Variants in NELL1 observed in about 807,000 individuals in gnomAD.
The protein encoded by NELL1 is neural EGFL like 1.
Under a neutral mutation model 107.4 loss-of-function variants are expected in NELL1, and 76 were observed. The observed-to-expected ratio is 0.71, with a 90% confidence interval of 0.59 to 0.86. The LOEUF is 0.86. NELL1 is among the 40% of genes least tolerant of loss of function. The probability of loss-of-function intolerance (pLI) is 0.00; values close to 1 mark genes in which losing one functional copy is unlikely to be tolerated. For synonymous variants in NELL1, 353 were observed against 341.2 expected, an observed-to-expected ratio of 1.03 and a Z score of -0.38; for missense variants, 1,024 against 1,005.5, an observed-to-expected ratio of 1.02 and a Z score of -0.25.
At chr11:21,451,161 T>C (rs1367432705) in intron 15 of NELL1, among the ~76,000 whole-genome samples, 1 of 126,096 alleles carries the variant, frequency 7.9e-6, no homozygotes, top group Non-Finnish European at 1.6e-5. Context: ...CACTCCAGCC[T>C]GGGCGACAGA....
chr11:21,348,010 C>G (rs1291690239), intron 14 of NELL1, among the ~76,000 whole-genome samples: 1 of 152,146 alleles, frequency 6.6e-6, no homozygotes, highest in Non-Finnish European at 1.5e-5. Flanking sequence ...GCTGAGCTAA[C>G]AAGGATATGA....
intron 10 of NELL1, among the ~76,000 whole-genome samples, chr11:20,938,535 G>A (rs1237609925): frequency 6.6e-6 from 1 of 152,032 alleles, no homozygotes; most frequent in Non-Finnish European, 1.5e-5. Context: ...TCTGAGTTGG[G>A]GATGGGTGGA....
At chr11:21,225,709 C>A (rs1373939723) in intron 13 of NELL1, among the ~76,000 whole-genome samples, 1 of 152,104 alleles carries the variant, frequency 6.6e-6, no homozygotes, top group East Asian at 1.9e-4. Context: ...AGTCTGCCCA[C>A]AAGTAATTGT....
In NELL1 at chr11:21,327,162, GTTT is replaced by G. The variant is rs369129791; in HGVS notation, c.1550-43677_1550-43675del. 2.9e-3 allele frequency among the ~76,000 whole-genome samples: 285 copies of G among 96,948 alleles called. 16 individuals are homozygous for G. The highest frequency in any genetic ancestry group is 9.5e-3 in the African/African-American group (247 of 25,930). 63.6% of individuals were successfully genotyped at this position (96,948 alleles called of 152,430 possible). On this transcript the variant is annotated intron_variant, in intron 14 of 19. Transcript: ENST00000357134. ...ACAGTGAGTTCTCATGAGATCTGAT[GTTT>G]TTTTTTTTTTTTTGTGGGGGGGACT... is the stretch of plus-strand genomic sequence containing the variant.
At chr11:21,393,034 T>G (rs893674219) in intron 15 of NELL1, among the ~76,000 whole-genome samples, 2 of 151,688 alleles carry the variant, frequency 1.3e-5, no homozygotes, top group African/African-American at 4.8e-5. Context: ...ACATGAAATT[T>G]TATGTGAAAT....
intron 13 of NELL1, among the ~76,000 whole-genome samples, chr11:21,142,243 C>A (rs1379286192): frequency 6.6e-6 from 1 of 152,202 alleles, no homozygotes; most frequent in Non-Finnish European, 1.5e-5. Flanking sequence ...CTGCTCCTCT[C>A]AAGAAACATG....
At chr11:21,381,118 C>G (rs1442780070) in intron 15 of NELL1, among the ~76,000 whole-genome samples, 1 of 151,970 alleles carries the variant, frequency 6.6e-6, no homozygotes, top group Non-Finnish European at 1.5e-5. Context: ...TTATAATCTG[C>G]TACCTCGTGA....
intron 13 of NELL1, among the ~76,000 whole-genome samples, chr11:21,227,205 T>G (rs1857917066): frequency 6.6e-6 from 1 of 152,210 alleles, no homozygotes; most frequent in Admixed American, 6.5e-5. Context: ...ATTTCTTCCC[T>G]CCAATGAACT....
Position 21,386,778 on chromosome 11 carries a change from G to A in NELL1, c.1645+15830G>A, listed in dbSNP as rs554226563. Reference sequence around the variant, plus strand: ...CATAAATTCTATGCCTTCGCCTTTTGGAGATGTTTACATTTATTTTTGTAC... The same window carrying A: ...CATAAATTCTATGCCTTCGCCTTTTAGAGATGTTTACATTTATTTTTGTAC... On this transcript the variant is annotated intron_variant, in intron 15 of 19. Transcript: ENST00000357134. 5.3e-5 allele frequency among the ~76,000 whole-genome samples: 8 copies of A among 151,936 alleles called. No homozygotes were observed. The East Asian group carries it at 1.4e-3, about 26-fold the overall frequency.
chr11:20,960,254 G>A (rs1268602523), intron 11 of NELL1, among the ~76,000 whole-genome samples, 178 bp from the exon 12 acceptor site: 1 of 152,062 alleles, frequency 6.6e-6, no homozygotes, highest in Non-Finnish European at 1.5e-5. Context: ...CTTACGCCTT[G>A]GACAGCCCAA....
chr11:21,437,921 C>T (rs1348570496), intron 15 of NELL1, among the ~76,000 whole-genome samples: 1 of 152,102 alleles, frequency 6.6e-6, no homozygotes, highest in African/African-American at 2.4e-5. Flanking sequence ...TGAAAAGTTA[C>T]TTCTGTCCTT....
intron 13 of NELL1, among the ~76,000 whole-genome samples, chr11:21,149,908 C>G (rs1416628510): frequency 6.6e-6 from 1 of 151,944 alleles, no homozygotes; most frequent in African/African-American, 2.4e-5. Context: ...ATGACGGAAA[C>G]AAAACAGAGT....
intron 15 of NELL1, among the ~76,000 whole-genome samples, chr11:21,494,872 A>T (rs1197269040): frequency 2.0e-5 from 3 of 152,042 alleles, no homozygotes; most frequent in Non-Finnish European, 4.4e-5. Context: ...CTCCCATCAT[A>T]CATCAATATT....
chr11:21,071,127 C>T (rs538837045), intron 12 of NELL1, among the ~76,000 whole-genome samples: 2 of 152,168 alleles, frequency 1.3e-5, no homozygotes, highest in East Asian at 1.9e-4. Flanking sequence ...AAATCCTGCC[C>T]CATTCGCTGT....
At chr11:21,144,738 A>G (rs1173421688) in intron 13 of NELL1, among the ~76,000 whole-genome samples, 2 of 152,236 alleles carry the variant, frequency 1.3e-5, no homozygotes, top group Admixed American at 6.5e-5. Flanking sequence ...AATAACAGGC[A>G]TGAATAGAAT....
intron 12 of NELL1, among the ~76,000 whole-genome samples, chr11:21,038,540 G>GCTTATTTT (rs879740886): frequency 1.3e-5 from 2 of 152,106 alleles, no homozygotes; most frequent in African/African-American, 2.4e-5. Flanking sequence ...AGCACTGCTG[G>GCTTATTTT]CTTATTTTCT....
chr11:21,000,324 C>A (rs922671010), intron 12 of NELL1, among the ~76,000 whole-genome samples: 1 of 151,956 alleles, frequency 6.6e-6, no homozygotes, highest in African/African-American at 2.4e-5. Flanking sequence ...GATTCAAGAT[C>A]ATTATAAAGT....
chr11:21,565,509 T>C (rs2134007320), intron 17 of NELL1, among the ~76,000 whole-genome samples: 1 of 151,910 alleles, frequency 6.6e-6, no homozygotes, highest in African/African-American at 2.4e-5. Context: ...AGATCTGGGG[T>C]GGGGTGCAAG....
At chr11:20,804,433 G>A (rs141064833) in intron 3 of NELL1, among the ~76,000 whole-genome samples, 4,154 of 152,062 alleles carry the variant, frequency 0.027, 189 homozygotes, top group African/African-American at 0.094. Flanking sequence ...ATGGGGTTTC[G>A]CCATGTTGGC....
Sources: allele counts gnomAD v4.1 joint callset (sites outside exome capture counted in the v4.1 genomes callset), GRCh38; gene constraint gnomAD v4.1.1; transcripts MANE v1.5; gene names NCBI Gene and HGNC (gene_info 2026-07-23, HGNC 2026-07-21).